VTI1A: variants seen among roughly 807,000 people sequenced by gnomAD.
VTI1A encodes the protein vesicle transport through interaction with t-SNAREs homolog 1A.
In VTI1A, 22 loss-of-function variants were observed where a neutral mutation model predicts 34.9. That is an observed-to-expected ratio of 0.63 (90% CI 0.45 to 0.90). VTI1A has a LOEUF of 0.90. VTI1A is among the 40% of genes least tolerant of loss of function. The probability of loss-of-function intolerance (pLI) is 0.00; values close to 1 mark genes in which losing one functional copy is unlikely to be tolerated. For missense variants in VTI1A, 268 were observed against 275.6 expected, an observed-to-expected ratio of 0.97 and a Z score of 0.20; for synonymous variants, 87 against 97.3, an observed-to-expected ratio of 0.89 and a Z score of 0.62.
At chr10:112,787,327 TTGA>T (rs1852317612) in intron 7 of VTI1A, among the ~76,000 whole-genome samples, 1 of 152,194 alleles carries the variant, frequency 6.6e-6, no homozygotes, top group African/African-American at 2.4e-5. Context: ...ATCAGTTTTG[TTGA>T]TCTTTTTGAG....
At position 112,811,711 on chromosome 10, in the gene VTI1A, A is replaced by AGT. The variant is rs1554965461; in HGVS notation, c.561-3579_561-3578insGT. ...AAAAAAAAAAAAAAAAAAAAAAAAA[A>AGT]AGAGTGCAGTCCATGCCTGGAAGTA... On this transcript the variant is annotated intron_variant, in intron 7 of 7. Transcript: ENST00000393077. Among the ~76,000 whole-genome samples, 7 of 117,484 alleles carry AGT rather than the reference A, an allele frequency of 6.0e-5. 3 individuals carry two copies. The highest frequency in any genetic ancestry group is 5.1e-4 in the East Asian group (2 of 3,938). 77.1% of individuals were successfully genotyped at this position (117,484 alleles called of 152,430 possible).
chr10:112,616,416 A>G (rs575430834), intron 5 of VTI1A, among the ~76,000 whole-genome samples: 4 of 152,348 alleles, frequency 2.6e-5, no homozygotes, highest in East Asian at 3.9e-4. Flanking sequence ...TCCTAGGTAA[A>G]TCATGCCTAC....
intron 7 of VTI1A, among the ~76,000 whole-genome samples, chr10:112,800,349 T>C (rs1346487350): frequency 6.6e-6 from 1 of 152,210 alleles, no homozygotes; most frequent in African/African-American, 2.4e-5. Context: ...TGTTGAGCCC[T>C]GGGCATCTGC....
chr10:112,583,826 G>A (rs560047897), intron 5 of VTI1A, among the ~76,000 whole-genome samples: 185 of 152,266 alleles, frequency 1.2e-3, no homozygotes, highest in Non-Finnish European at 2.1e-3. Context: ...GAGTTGAAAA[G>A]AATGAACAAA....
chr10:112,742,807 TC>T (rs1850740013), intron 7 of VTI1A, among the ~76,000 whole-genome samples: 1 of 152,228 alleles, frequency 6.6e-6, no homozygotes, highest in African/African-American at 2.4e-5. Context: ...ATGTACTACT[TC>T]CTTCCATTTA....
chr10:112,518,797 T>C lies in VTI1A; in HGVS notation c.265-8290T>C, dbSNP rs183506905. 1.7e-3 allele frequency among the ~76,000 whole-genome samples: 261 copies of C among 151,788 alleles called. 1 individual carries two copies. The highest frequency in any genetic ancestry group is 5.8e-3 in the African/African-American group (242 of 41,432). On this transcript the variant is annotated intron_variant, in intron 3 of 7. Coordinates refer to ENST00000393077, the MANE Select transcript of VTI1A (RefSeq NM_145206.4). ...TGAAGATACTCAAGAAAACATTTAA[T>C]TGATGAAGCGAAACATCTGAGTAGG...
At chr10:112,831,886 T>C in the VTI1A span, 1 of 152,148 alleles carries the variant, frequency 6.6e-6, no homozygotes, top group Non-Finnish European at 1.5e-5. Flanking sequence ...ATAAAATATG[T>C]CCAAATCACT....
chr10:112,822,280 G>C (rs551626491), downstream of VTI1A, among the ~76,000 whole-genome samples: 88 of 152,276 alleles, frequency 5.8e-4, no homozygotes, highest in African/African-American at 2.0e-3. Context: ...TAAGGATTGC[G>C]TTCTGGCTTA....
chr10:112,531,482 G>GAAAAAAAAAAAAAAAA (rs11284977), intron 4 of VTI1A, among the ~76,000 whole-genome samples: 1 of 140,104 alleles, frequency 7.1e-6, no homozygotes, highest in Admixed American at 7.1e-5. Context: ...CCTAAGCAAA[G>GAAAAAAAAAAAAAAAA]AAAAAAAAAA....
intron 5 of VTI1A, among the ~76,000 whole-genome samples, chr10:112,642,434 G>A (rs1846609204): frequency 1.3e-5 from 2 of 152,052 alleles, no homozygotes; most frequent in Admixed American, 1.3e-4. Flanking sequence ...GAGAAAGATG[G>A]GACAGATGTG....
At chr10:112,802,108 G>C (rs1852896960) in intron 7 of VTI1A, among the ~76,000 whole-genome samples, 1 of 152,120 alleles carries the variant, frequency 6.6e-6, no homozygotes, top group Non-Finnish European at 1.5e-5. Flanking sequence ...AATTAGCCAG[G>C]CATAGTGGCA....
chr10:112,605,460 A>G (rs1405948743), intron 5 of VTI1A, among the ~76,000 whole-genome samples: 2 of 152,162 alleles, frequency 1.3e-5, no homozygotes, highest in Admixed American at 1.3e-4. Context: ...TTTCTCCACT[A>G]CAACCTTAGC....
At chr10:112,476,477 T>C (rs548320945) in intron 3 of VTI1A, among the ~76,000 whole-genome samples, 2 of 152,310 alleles carry the variant, frequency 1.3e-5, no homozygotes, top group African/African-American at 4.8e-5. Flanking sequence ...ACGTACTTGC[T>C]AGTCACTCTC....
At chr10:112,502,164 A>C (rs1205584877) in intron 3 of VTI1A, among the ~76,000 whole-genome samples, 1 of 151,020 alleles carries the variant, frequency 6.6e-6, no homozygotes, top group Admixed American at 6.6e-5. Context: ...AGTAGCTGGG[A>C]CCACAGGTGC....
chr10:112,533,423 T>A (rs1289850935), intron 4 of VTI1A: 1 of 733,418 alleles, frequency 1.4e-6, no homozygotes, highest in Non-Finnish European at 1.7e-6. Flanking sequence ...GCTAAACATG[T>A]AAACAGATAA....
At chr10:112,537,311 G>GTATATATATATATATATATCTATATATA (rs1850673857) in intron 4 of VTI1A, among the ~76,000 whole-genome samples, 1 of 65,222 alleles carries the variant, frequency 1.5e-5, no homozygotes, top group Non-Finnish European at 3.6e-5. Flanking sequence ...AAGTATCTAG[G>GTATATATATATATATATATCTATATATA]TATATATATA....
At chr10:112,511,366 C>T (rs929620133) in intron 3 of VTI1A, among the ~76,000 whole-genome samples, 21 of 151,900 alleles carry the variant, frequency 1.4e-4, no homozygotes, top group African/African-American at 4.8e-4. Flanking sequence ...GCCTCAGCCT[C>T]CCAAGTAGCT....
At chr10:112,830,687 C>G in the VTI1A span, among the ~76,000 whole-genome samples, 1 of 150,300 alleles carries the variant, frequency 6.7e-6, no homozygotes, top group South Asian at 2.1e-4. Flanking sequence ...ACTCCTAAAA[C>G]CGAGGAGATG....
In VTI1A at chr10:112,815,590, C is replaced by G; in HGVS notation, c.*207C>G. The G allele has an allele frequency of 1.8e-6, 1 of 569,242 alleles. No homozygotes were observed. The highest frequency in any genetic ancestry group is 3.1e-5 in the Admixed American group (1 of 32,632). The allele number at this position is 569,242 out of a possible 1,614,324, so 35.3% of individuals were successfully genotyped here. A position where few individuals can be genotyped will look rare whatever the true frequency, so the allele number is the denominator to read the frequency against. ...TGGTTTCCTTTTCGAGGTTTGTCTT[C>G]ACCCAGATTCGTTTTTTAGAGGGGA... On this transcript the variant is annotated 3_prime_UTR_variant, in exon 8 of 8. Coordinates refer to ENST00000393077, the MANE Select transcript of VTI1A (RefSeq NM_145206.4).
Sources: allele counts gnomAD v4.1 joint callset (sites outside exome capture counted in the v4.1 genomes callset), GRCh38; gene constraint gnomAD v4.1.1; transcripts MANE v1.5; gene names NCBI Gene and HGNC (gene_info 2026-07-23, HGNC 2026-07-21).